HDAC9: variants seen among roughly 807,000 people sequenced by gnomAD.
HDAC9 encodes the protein MEF-2 interacting transcription repressor (MITR) protein.
A neutral mutation model predicts 139.4 loss-of-function variants in HDAC9; 41 were observed. The observed-to-expected ratio is 0.29, with a 90% CI of 0.23 to 0.38. The LOEUF (loss-of-function observed/expected upper bound fraction) is 0.38. Ranked by LOEUF, HDAC9 falls within the 10% of genes least tolerant of loss-of-function variation. HDAC9 has a pLI of 1.00. For synonymous variants in HDAC9, 517 were observed against 476.2 expected (o/e 1.09, Z -1.12); for missense variants, 1,147 against 1,297.0 (o/e 0.88, Z 1.78).
intron 1 of HDAC9, among the ~76,000 whole-genome samples, chr7:18,130,752 G>T (rs868749469): frequency 1.4e-4 from 21 of 152,112 alleles, no homozygotes; most frequent in Middle Eastern, 3.4e-3. Flanking sequence ...TATAATTTGT[G>T]ATCTTTTGTG....
chr7:18,850,241 C>T (rs1797190958), intron 21 of HDAC9, among the ~76,000 whole-genome samples: 1 of 152,100 alleles, frequency 6.6e-6, no homozygotes, highest in Non-Finnish European at 1.5e-5. Flanking sequence ...TTGAATAGCA[C>T]AAAAGCATGC....
At chr7:18,531,216 G>T (rs1022916122) in intron 2 of HDAC9, among the ~76,000 whole-genome samples, 1 of 152,170 alleles carries the variant, frequency 6.6e-6, no homozygotes, top group Non-Finnish European at 1.5e-5. Flanking sequence ...ACCTCAGGAA[G>T]AATAATTCTC....
intron 24 of HDAC9, among the ~76,000 whole-genome samples, chr7:18,962,710 A>C (rs1783604623): frequency 6.6e-6 from 1 of 152,210 alleles, no homozygotes; most frequent in South Asian, 2.1e-4. Flanking sequence ...TACACATGAT[A>C]CCATGATACC....
At chr7:18,945,625 G>A (rs1314820037) in intron 23 of HDAC9, among the ~76,000 whole-genome samples, 5 of 151,886 alleles carry the variant, frequency 3.3e-5, no homozygotes, top group Admixed American at 3.3e-4. Flanking sequence ...TTTATTTTTT[G>A]ACTTCAACAT....
At chr7:18,980,941 A>G (rs531875138) in intron 25 of HDAC9, among the ~76,000 whole-genome samples, 1 of 151,906 alleles carries the variant, frequency 6.6e-6, no homozygotes, top group African/African-American at 2.4e-5. Context: ...CTCTTGCCTC[A>G]GCCTCTCGAG....
chr7:18,961,825 A>C (rs553576898), intron 24 of HDAC9, among the ~76,000 whole-genome samples: 5 of 152,288 alleles, frequency 3.3e-5, no homozygotes, highest in African/African-American at 1.2e-4. Flanking sequence ...GAGTGGGCAA[A>C]AGCAAGATCA....
At chr7:18,291,307 T>A (rs1486796137) in intron 1 of HDAC9, among the ~76,000 whole-genome samples, 2 of 152,122 alleles carry the variant, frequency 1.3e-5, no homozygotes, top group Non-Finnish European at 2.9e-5. Flanking sequence ...ATAGTAGATA[T>A]TAAGACTGTA....
Position 18,727,696 on chromosome 7 carries a change from T to C in HDAC9, c.1848T>C (p.Pro616=). ...HRLVSRTHSS[P]AASVLPHPAM... ...TCGTCTCCAGGACTCACTCTTCCCC[T>C]GCTGCCTCTGTTTTACCTCACCCAG... Residue 616 remains proline (P), a synonymous_variant, in exon 13 of 26, where the codon CCT becomes CCC. Coordinates refer to ENST00000686413, the MANE Select transcript of HDAC9 (RefSeq NM_178425.4). 1 of 1,582,718 alleles carries C rather than the reference T, an allele frequency of 6.3e-7. No homozygotes were observed. Among genetic ancestry groups the C allele is most frequent in the Non-Finnish European group, 8.6e-7 (1 of 1,168,848 alleles).
chr7:18,142,330 G>C (rs1219874731), intron 1 of HDAC9, among the ~76,000 whole-genome samples: 1 of 152,172 alleles, frequency 6.6e-6, no homozygotes, highest in African/African-American at 2.4e-5. Flanking sequence ...AGTAAGAGGA[G>C]AGTGATCCCC....
chr7:18,773,111 A>G (rs1790457428), intron 16 of HDAC9, among the ~76,000 whole-genome samples: 2 of 152,044 alleles, frequency 1.3e-5, no homozygotes, highest in Non-Finnish European at 2.9e-5. Flanking sequence ...TTTCCTCCTT[A>G]ATTCACTTAC....
At chr7:18,450,778 G>A (rs1792745296) in intron 1 of HDAC9, among the ~76,000 whole-genome samples, 1 of 152,168 alleles carries the variant, frequency 6.6e-6, no homozygotes. Flanking sequence ...AAGAGGTGAA[G>A]CTTCAGAGAT....
chr7:18,794,312 G>A (rs1219093313), intron 17 of HDAC9, among the ~76,000 whole-genome samples: 1 of 72,450 alleles, frequency 1.4e-5, no homozygotes, highest in Non-Finnish European at 3.1e-5. Context: ...TGTGAGTTTT[G>A]TGAAACCAAG....
chr7:18,704,463 C>G (rs901883328), intron 12 of HDAC9, among the ~76,000 whole-genome samples: 14 of 152,192 alleles, frequency 9.2e-5, no homozygotes, highest in African/African-American at 2.9e-4. Context: ...ATTCTAGGTA[C>G]TTAACTGAAT....
chr7:18,583,726 C>A (rs1284241299), intron 2 of HDAC9, among the ~76,000 whole-genome samples: 1 of 152,164 alleles, frequency 6.6e-6, no homozygotes, highest in African/African-American at 2.4e-5. Context: ...TGCACTACAG[C>A]CTGGACGAAA....
chr7:18,486,414 A>G (rs988342302), intron 1 of HDAC9, among the ~76,000 whole-genome samples: 6 of 152,114 alleles, frequency 3.9e-5, no homozygotes, highest in Admixed American at 1.3e-4. Context: ...TAGACCATGT[A>G]GGATCTCTTT....
chr7:18,923,197 A>G (rs1347952714), intron 22 of HDAC9, among the ~76,000 whole-genome samples: 1 of 152,040 alleles, frequency 6.6e-6, no homozygotes, highest in East Asian at 1.9e-4. Flanking sequence ...TACTTTTTTT[A>G]TCTTATACAT....
chr7:18,582,609 G>A (rs1193368277), intron 2 of HDAC9, among the ~76,000 whole-genome samples: 1 of 151,960 alleles, frequency 6.6e-6, no homozygotes, highest in African/African-American at 2.4e-5. Flanking sequence ...TATTTTTAAT[G>A]AATGCGTAGC....
At chr7:18,258,197 A>T (rs1034765406) in intron 2 of HDAC9, among the ~76,000 whole-genome samples, 2 of 152,216 alleles carry the variant, frequency 1.3e-5, no homozygotes, top group African/African-American at 4.8e-5. Flanking sequence ...TTAAGCGTAG[A>T]TCTATTGCTT....
intron 2 of HDAC9, among the ~76,000 whole-genome samples, chr7:18,518,296 G>A (rs1341673986): frequency 6.6e-6 from 1 of 152,148 alleles, no homozygotes; most frequent in Non-Finnish European, 1.5e-5. Context: ...AAGAGACTTG[G>A]AGAGCCCAAG....
Sources: gnomAD v4.1 joint callset for allele counts (sites outside exome capture counted in the v4.1 genomes callset) on GRCh38, gnomAD v4.1.1 for gene constraint, MANE v1.5 for transcripts, NCBI Gene and HGNC (gene_info 2026-07-23, HGNC 2026-07-21) for gene names.